The following ADCYAP1R1 variants were observed in gnomAD, a reference collection of about 807,000 sequenced individuals.
ADCYAP1R1 encodes the protein ADCYAP receptor type I, also known as pituitary adenylate cyclase-activating polypeptide type I receptor.
ADCYAP1R1 carries 44 observed loss-of-function variants against 67.6 expected under a neutral mutation model. The ratio of observed to expected loss-of-function variants is 0.65; its 90% confidence interval spans 0.51 to 0.84. The LOEUF (loss-of-function observed/expected upper bound fraction) is 0.84, where lower values mean the gene tolerates loss of function less well. ADCYAP1R1 is among the 40% of genes least tolerant of loss of function. The pLI, the probability that ADCYAP1R1 is intolerant of heterozygous loss-of-function variation, is 0.00. For missense variants in ADCYAP1R1, 477 were observed against 587.9 expected, an observed-to-expected ratio of 0.81 and a Z score of 1.95; for synonymous variants, 222 against 219.6, an observed-to-expected ratio of 1.01 and a Z score of -0.10.
At chr7:31,063,657 G>T (rs1794607547) in intron 2 of ADCYAP1R1, among the ~76,000 whole-genome samples, 1 of 152,166 alleles carries the variant, frequency 6.6e-6, no homozygotes. Context: ...ACAATGCCCT[G>T]CCAGGATAGA....
At chr7:31,080,433 C>T (rs954874092) in intron 4 of ADCYAP1R1, among the ~76,000 whole-genome samples, 180 bp from the exon 5 acceptor site, 1 of 152,292 alleles carries the variant, frequency 6.6e-6, no homozygotes, top group East Asian at 1.9e-4. Context: ...TTCTGGAGGT[C>T]TCCAGTGTCC....
rs1308354373 is a variant in ADCYAP1R1 at position 31,111,364 on chromosome 7, A to G, written c.*4680A>G. The G allele has an allele frequency of 6.6e-6, 1 of 152,202 alleles. No homozygotes were observed. Among genetic ancestry groups the G allele is most frequent in the Non-Finnish European group, 1.5e-5 (1 of 68,064 alleles). The allele number at this position is 152,202 out of a possible 1,614,324, so 9.4% of individuals were successfully genotyped here. A position where few individuals can be genotyped will look rare whatever the true frequency, so the allele number is the denominator to read the frequency against. On this transcript the variant is annotated 3_prime_UTR_variant, in exon 16 of 16. Transcript: ENST00000304166. ...CCCACAGTAAAGCTAAGTAAGCCCC[A>G]CAGACCTTACTGCTACTGCTGCTGC... is the stretch of plus-strand genomic sequence containing the variant.
At position 31,085,326 on chromosome 7, in the gene ADCYAP1R1, C is replaced by G. The variant is rs1446883671; in HGVS notation, c.553C>G (p.Arg185Gly). ...LCRFRKLHCT[R>G]NFIHMNLFVS... Reference sequence around the variant, plus strand: ...CTCATGTAGGAAGCTGCACTGCACACGCAACTTCATCCACATGAACCTGTT... The same window carrying G: ...CTCATGTAGGAAGCTGCACTGCACAGGCAACTTCATCCACATGAACCTGTT... The change falls in exon 9 of 16, where the codon CGC becomes GGC. Residue 185 changes from arginine to glycine, a missense_variant. Transcript: ENST00000304166. 1.2e-6 allele frequency: 2 copies of G among 1,613,882 alleles called. No individual in the cohort carries two copies. Among genetic ancestry groups the G allele is most frequent in the Admixed American group, 3.3e-5 (2 of 60,016 alleles).
intron 3 of ADCYAP1R1, among the ~76,000 whole-genome samples, chr7:31,077,441 TTGTG>T (rs762882309): frequency 6.4e-5 from 9 of 140,520 alleles, no homozygotes; most frequent in Non-Finnish European, 1.2e-4. Context: ...ATATGTGTGA[TTGTG>T]TGTGGTGTGT....
chr7:31,074,370 T>C (rs924649026), intron 3 of ADCYAP1R1, among the ~76,000 whole-genome samples: 35 of 152,230 alleles, frequency 2.3e-4, no homozygotes, highest in Admixed American at 2.0e-4. Context: ...AGATGGTCCC[T>C]GGCACAAGGT....
chr7:31,085,634 T>C (rs923327679), intron 9 of ADCYAP1R1, among the ~76,000 whole-genome samples, 192 bp downstream of exon 9: 1 of 152,072 alleles, frequency 6.6e-6, no homozygotes, highest in African/African-American at 2.4e-5. Flanking sequence ...GATGAGCCAA[T>C]GTACGACATC....
chr7:31,101,211 T>A (rs936727335), intron 13 of ADCYAP1R1, among the ~76,000 whole-genome samples: 7 of 152,190 alleles, frequency 4.6e-5, no homozygotes, highest in African/African-American at 1.7e-4. Flanking sequence ...GCCCTTGGAC[T>A]GTGCTGTGGG....
intron 1 of ADCYAP1R1, among the ~76,000 whole-genome samples, chr7:31,060,833 T>A (rs769962644): frequency 6.6e-6 from 1 of 152,244 alleles, no homozygotes; most frequent in Non-Finnish European, 1.5e-5. Context: ...CTAGTTCCTC[T>A]GTGCCAGCTC....
In ADCYAP1R1 at chr7:31,096,728, G is replaced by A. The variant is rs368459652; in HGVS notation, c.1046+3993G>A. 1.4e-4 allele frequency among the ~76,000 whole-genome samples: 21 copies of A among 152,248 alleles called. 2 individuals are homozygous for A. The highest frequency in any genetic ancestry group is 5.1e-4 in the African/African-American group (21 of 41,544). Reference sequence around the variant, plus strand: ...GATCTGTGAGCTGTGCTGCTAGCTGGGGTGCCAGTGTGGTAGGGAGTACTT... The same window carrying A: ...GATCTGTGAGCTGTGCTGCTAGCTGAGGTGCCAGTGTGGTAGGGAGTACTT... On this transcript the variant is annotated intron_variant, in intron 13 of 15. Coordinates refer to ENST00000304166, the MANE Select transcript of ADCYAP1R1 (RefSeq NM_001118.5).
At chr7:31,062,644 C>T (rs1038034081) in intron 1 of ADCYAP1R1, among the ~76,000 whole-genome samples, 10 of 152,314 alleles carry the variant, frequency 6.6e-5, no homozygotes, top group African/African-American at 9.6e-5. Context: ...ATACGGTTCA[C>T]GTCCACACTG....
At chr7:31,079,899 C>T (rs896955925) in intron 4 of ADCYAP1R1, among the ~76,000 whole-genome samples, 2 of 152,204 alleles carry the variant, frequency 1.3e-5, no homozygotes, top group Admixed American at 6.5e-5. Context: ...TACAGTGGGA[C>T]TGGGGGGCAG....
At chr7:31,075,012 G>C (rs1375904863) in intron 3 of ADCYAP1R1, among the ~76,000 whole-genome samples, 39 of 152,170 alleles carry the variant, frequency 2.6e-4, no homozygotes, top group Admixed American at 2.5e-3. Context: ...GATACCTTCT[G>C]GTCCAAATAG....
intron 3 of ADCYAP1R1, among the ~76,000 whole-genome samples, chr7:31,075,417 G>T (rs1429431335): frequency 2.0e-5 from 3 of 152,012 alleles, no homozygotes; most frequent in Middle Eastern, 3.2e-3. Context: ...CCTAAAAGCT[G>T]CAGGCCTCTT....
intron 3 of ADCYAP1R1, among the ~76,000 whole-genome samples, chr7:31,067,093 G>C (rs904279014): frequency 6.6e-6 from 1 of 152,190 alleles, no homozygotes; most frequent in Non-Finnish European, 1.5e-5. Context: ...CCCTCTCAGG[G>C]ACCTTGTGAG....
In ADCYAP1R1 at chr7:31,078,110, C is replaced by T. The variant is rs1418484041; in HGVS notation, c.265+12C>T. ...CAACCCAGACCAAGGTGGGTTTAGC[C>T]CAGTCTCTTTAGGCCACGCTGGCCT... On this transcript the variant is annotated intron_variant, in intron 4 of 15. Transcript: ENST00000304166. The T allele has an allele frequency of 6.2e-7, 1 of 1,601,726 alleles. No homozygotes were observed. Among genetic ancestry groups the T allele is most frequent in the South Asian group, 1.1e-5 (1 of 88,538 alleles).
At chr7:31,088,707 G>A (rs1205796064) in intron 12 of ADCYAP1R1, among the ~76,000 whole-genome samples, 1 of 152,060 alleles carries the variant, frequency 6.6e-6, no homozygotes, top group Non-Finnish European at 1.5e-5. Flanking sequence ...TTTCTATTCT[G>A]TGTTACTAAT....
chr7:31,055,892 C>T (rs1189993916), intron 1 of ADCYAP1R1, among the ~76,000 whole-genome samples: 1 of 152,188 alleles, frequency 6.6e-6, no homozygotes, highest in Non-Finnish European at 1.5e-5. Context: ...TCAGCACCCT[C>T]CCCCAGATTG....
At position 31,077,687 on chromosome 7, in the gene ADCYAP1R1, G is replaced by A. The variant is rs533586328; in HGVS notation, c.158-304G>A. On this transcript the variant is annotated intron_variant, in intron 3 of 15. Transcript: ENST00000304166. ...GTGGTGTATGTGTGAGTGGTGTGTGGTGTGTGTGGTGTGTGTGATGTGTGT... is the reference window on the plus strand; with the variant it reads ...GTGGTGTATGTGTGAGTGGTGTGTGATGTGTGTGGTGTGTGTGATGTGTGT... 2.1e-5 allele frequency among the ~76,000 whole-genome samples: 3 copies of A among 144,588 alleles called. 1 individual carries two copies. The South Asian group carries it at 6.7e-4, about 32-fold the overall frequency. 94.9% of individuals were successfully genotyped at this position (144,588 alleles called of 152,430 possible).
chr7:31,091,093 C>T (rs916851606), intron 12 of ADCYAP1R1, among the ~76,000 whole-genome samples: 11 of 152,148 alleles, frequency 7.2e-5, no homozygotes, highest in African/African-American at 2.4e-4. Flanking sequence ...TGTCTTTTGA[C>T]TTTTTAGTAA....
Sources: allele counts gnomAD v4.1 joint callset (sites outside exome capture counted in the v4.1 genomes callset), GRCh38; gene constraint gnomAD v4.1.1; transcripts MANE v1.5; gene names NCBI Gene and HGNC (gene_info 2026-07-23, HGNC 2026-07-21).